PACSIN2: variants seen among roughly 807,000 people sequenced by gnomAD.
PACSIN2 encodes the protein protein kinase C and casein kinase substrate in neurons protein 2.
In PACSIN2, 25 loss-of-function variants were observed where a neutral mutation model predicts 63.8. The observed-to-expected ratio is 0.39, with a 90% confidence interval of 0.29 to 0.55. The LOEUF (loss-of-function observed/expected upper bound fraction) is 0.55. Among genes scored for constraint, PACSIN2 ranks in the 20% least tolerant of loss-of-function variants. The probability of loss-of-function intolerance (pLI) is 0.62; values close to 1 mark genes in which losing one functional copy is unlikely to be tolerated. For synonymous variants in PACSIN2, 255 were observed against 256.2 expected, an observed-to-expected ratio of 1.00 and a Z score of 0.05; for missense variants, 518 against 646.9, an observed-to-expected ratio of 0.80 and a Z score of 2.16.
chr22:42,964,602 T>C (rs1920937844), intron 1 of PACSIN2, among the ~76,000 whole-genome samples: 1 of 151,882 alleles, frequency 6.6e-6, no homozygotes, highest in African/African-American at 2.4e-5. Flanking sequence ...GTGGCTGGCA[T>C]AGGAGGTGGG....
At chr22:42,983,441 G>A (rs950366190) in intron 1 of PACSIN2, among the ~76,000 whole-genome samples, 11 of 128,716 alleles carry the variant, frequency 8.5e-5, no homozygotes, top group Non-Finnish European at 1.5e-5. Flanking sequence ...AGTGAGCCGA[G>A]ATTGTGCCAC....
At chr22:43,010,384 A>G (rs1199423048) in intron 1 of PACSIN2, among the ~76,000 whole-genome samples, 1 of 77,420 alleles carries the variant, frequency 1.3e-5, no homozygotes, top group East Asian at 5.6e-4. Context: ...GTTTAAAAAT[A>G]CATATATATA....
At chr22:42,970,655 G>T (rs767396683) in intron 1 of PACSIN2, among the ~76,000 whole-genome samples, 1 of 152,206 alleles carries the variant, frequency 6.6e-6, no homozygotes, top group East Asian at 1.9e-4. Context: ...GCAAAAAGGA[G>T]TCAGGGACAA....
chr22:43,010,398 A>ATATATATATATATATTT lies in PACSIN2; in HGVS notation c.-78+4622_-78+4623insAAATATATATATATATA. On this transcript the variant is annotated intron_variant, in intron 1 of 10. Transcript: ENST00000263246. The stretch of plus-strand genomic sequence containing the variant: ...TGTTTAAAAATACATATATATATAT[A>ATATATATATATATATTT]TTTTTTTTTAATTGAAAATAAAAAA... Among the ~76,000 whole-genome samples, 12 of 126,408 alleles carry ATATATATATATATATTT rather than the reference A, an allele frequency of 9.5e-5. No homozygotes were observed. The East Asian group carries it at 1.0e-3, about 11-fold the overall frequency. The allele number at this position is 126,408 out of a possible 152,430, so 82.9% of individuals were successfully genotyped here.
intron 1 of PACSIN2, among the ~76,000 whole-genome samples, chr22:42,919,772 C>CAAAAAA (rs761464603): frequency 6.6e-4 from 32 of 48,730 alleles, no homozygotes; most frequent in South Asian, 1.7e-3. Context: ...GAACCTGTCT[C>CAAAAAA]AAAAAAAAAA....
intron 1 of PACSIN2, among the ~76,000 whole-genome samples, chr22:42,976,800 T>C (rs1014762416): frequency 2.6e-5 from 4 of 152,196 alleles, no homozygotes; most frequent in Non-Finnish European, 4.4e-5. Context: ...GTATTGTAAT[T>C]GTCCTGCCAA....
At chr22:42,925,892 C>G (rs562260863) in intron 1 of PACSIN2, among the ~76,000 whole-genome samples, 97 of 152,242 alleles carry the variant, frequency 6.4e-4, no homozygotes, top group Non-Finnish European at 1.2e-3. Context: ...CTCTATGTCA[C>G]CAGCCTTGGC....
intron 10 of PACSIN2, among the ~76,000 whole-genome samples, chr22:42,873,997 C>T (rs1928375626): frequency 1.3e-5 from 2 of 152,044 alleles, no homozygotes; most frequent in South Asian, 4.1e-4. Flanking sequence ...ACCATGTTGG[C>T]CAGGCTGGTC....
chr22:42,881,103 G>A (rs956240328), intron 7 of PACSIN2, among the ~76,000 whole-genome samples: 3 of 152,212 alleles, frequency 2.0e-5, no homozygotes, highest in African/African-American at 7.2e-5. Context: ...AGCAAGTCCT[G>A]GGGCTGGCGC....
chr22:42,910,971 C>G (rs1235934551), intron 2 of PACSIN2, among the ~76,000 whole-genome samples: 1 of 151,626 alleles, frequency 6.6e-6, no homozygotes, highest in African/African-American at 2.4e-5. Context: ...GTGGCGCTGT[C>G]TCGGCTCACT....
intron 1 of PACSIN2, among the ~76,000 whole-genome samples, chr22:42,998,258 G>A (rs542111671): frequency 2.0e-5 from 3 of 152,318 alleles, no homozygotes; most frequent in East Asian, 3.9e-4. Context: ...TTCAGGGACC[G>A]TGAATATAGG....
intron 2 of PACSIN2, among the ~76,000 whole-genome samples, chr22:42,908,752 C>T (rs1931251572): frequency 6.6e-6 from 1 of 152,180 alleles, no homozygotes; most frequent in Non-Finnish European, 1.5e-5. Context: ...TGTAAGACCA[C>T]ACTCATTCAG....
chr22:42,912,267 C>T (rs191701262), intron 1 of PACSIN2, 110 bp from the exon 2 acceptor site: 9 of 549,564 alleles, frequency 1.6e-5, no homozygotes, highest in South Asian at 7.4e-5. Flanking sequence ...CAGTACAGGG[C>T]GGTCTATAAT....
intron 1 of PACSIN2, among the ~76,000 whole-genome samples, chr22:42,987,776 T>C (rs1476282118): frequency 6.6e-6 from 1 of 151,882 alleles, no homozygotes; most frequent in Non-Finnish European, 1.5e-5. Flanking sequence ...CCTCATCATC[T>C]ACCCACCTCC....
intron 2 of PACSIN2, chr22:42,909,528 G>A (rs780691954): frequency 3.2e-5 from 15 of 471,048 alleles, no homozygotes; most frequent in Non-Finnish European, 5.3e-5. Flanking sequence ...CCGTCATGGA[G>A]AAGGCGGACG....
intron 1 of PACSIN2, among the ~76,000 whole-genome samples, chr22:43,009,863 CTATTTTTTTT>C (rs1924344740): frequency 3.8e-5 from 5 of 131,810 alleles, no homozygotes; most frequent in Non-Finnish European, 3.2e-5. Context: ...TTTATTTTTT[CTATTTTTTTT>C]TTTTTTTTTT....
At chr22:42,993,566 A>G (rs546157079) in intron 1 of PACSIN2, 3 of 152,368 alleles carry the variant, frequency 2.0e-5, no homozygotes, top group Admixed American at 6.5e-5. Flanking sequence ...AAAAGATACA[A>G]TGGTCAAAAT....
At chr22:42,965,039 T>C (rs1045020187) in intron 1 of PACSIN2, among the ~76,000 whole-genome samples, 6 of 152,168 alleles carry the variant, frequency 3.9e-5, no homozygotes, top group African/African-American at 9.7e-5. Flanking sequence ...CACATCTCTA[T>C]AGAGGACATC....
chr22:42,971,509 C>T (rs905353439), intron 1 of PACSIN2, among the ~76,000 whole-genome samples: 3 of 152,086 alleles, frequency 2.0e-5, no homozygotes, highest in Non-Finnish European at 4.4e-5. Context: ...GCCGCCACCC[C>T]ATCTGGGAAG....
Sources: gnomAD v4.1 joint callset for allele counts (sites outside exome capture counted in the v4.1 genomes callset) on GRCh38, gnomAD v4.1.1 for gene constraint, MANE v1.5 for transcripts, NCBI Gene and HGNC (gene_info 2026-07-23, HGNC 2026-07-21) for gene names.